Variants in ADARB2 observed in about 807,000 individuals in gnomAD.
ADARB2 encodes the protein inactive double-stranded RNA-specific editase B2.
ADARB2 carries 25 observed loss-of-function variants against 62.2 expected under a neutral mutation model. The observed-to-expected ratio is 0.40, with a 90% CI of 0.29 to 0.56. ADARB2 has a LOEUF of 0.56. ADARB2 is among the 20% of genes least tolerant of loss of function. The pLI, the probability that ADARB2 is intolerant of heterozygous loss-of-function variation, is 0.43. For synonymous variants in ADARB2, 572 were observed against 500.8 expected (o/e 1.14, Z -1.90); for missense variants, 1,071 against 1,077.4 (o/e 0.99, Z 0.08).
At chr10:1,235,476 G>GCC (rs1830858914) in intron 5 of ADARB2, among the ~76,000 whole-genome samples, 2 of 15,298 alleles carry the variant, frequency 1.3e-4, no homozygotes, top group Admixed American at 1.1e-3. Context: ...TTTACCCTCT[G>GCC]TCTCCCGGTG....
chr10:1,673,847 C>T (rs777376205), intron 1 of ADARB2, among the ~76,000 whole-genome samples: 5 of 152,214 alleles, frequency 3.3e-5, no homozygotes, highest in South Asian at 2.1e-4. Context: ...CAGCCACTTC[C>T]GGGATGGGAT....
At chr10:1,267,344 G>A (rs886689725) in intron 4 of ADARB2, among the ~76,000 whole-genome samples, 7 of 152,288 alleles carry the variant, frequency 4.6e-5, no homozygotes, top group African/African-American at 1.7e-4. Flanking sequence ...TTGAGATGTG[G>A]GAATATTCAC....
intron 1 of ADARB2, among the ~76,000 whole-genome samples, chr10:1,467,597 C>T (rs542326397): frequency 2.5e-4 from 38 of 152,282 alleles, no homozygotes; most frequent in Admixed American, 9.1e-4. Context: ...CTGAAGCCAC[C>T]GCTGACACTG....
chr10:1,252,581 T>C (rs1042381781), intron 4 of ADARB2, among the ~76,000 whole-genome samples: 3 of 152,238 alleles, frequency 2.0e-5, no homozygotes, highest in Admixed American at 1.3e-4. Flanking sequence ...GTGAATATCA[T>C]GATCGGCCTG....
At chr10:1,223,189 G>C (rs1179865053) in intron 6 of ADARB2, among the ~76,000 whole-genome samples, 1 of 152,118 alleles carries the variant, frequency 6.6e-6, no homozygotes, top group African/African-American at 2.4e-5. Flanking sequence ...TTGTGAATGG[G>C]AGTTCACTCA....
chr10:1,436,673 G>A (rs572860884), intron 1 of ADARB2, among the ~76,000 whole-genome samples: 7 of 152,068 alleles, frequency 4.6e-5, no homozygotes, highest in South Asian at 4.2e-4. Context: ...AATTTCCCTC[G>A]GGGAGAAGCT....
intron 4 of ADARB2, among the ~76,000 whole-genome samples, chr10:1,262,213 A>G (rs1233073692): frequency 6.8e-6 from 1 of 147,252 alleles, no homozygotes; most frequent in Non-Finnish European, 1.5e-5. Flanking sequence ...TAGTGGGTGC[A>G]GTACACCAGC....
chr10:1,259,996 A>G (rs1181207476), intron 4 of ADARB2, among the ~76,000 whole-genome samples: 2 of 152,268 alleles, frequency 1.3e-5, no homozygotes, highest in African/African-American at 2.4e-5. Context: ...CTGGTTCAAC[A>G]TACGAAAATC....
intron 1 of ADARB2, among the ~76,000 whole-genome samples, chr10:1,427,490 C>T (rs1040872997): frequency 1.3e-5 from 2 of 152,140 alleles, no homozygotes; most frequent in African/African-American, 4.8e-5. Flanking sequence ...ATGTCATTAG[C>T]CATTAAGGAG....
chr10:1,347,816 A>G (rs2820665), intron 3 of ADARB2, among the ~76,000 whole-genome samples: 144,806 of 152,202 alleles, frequency 0.95, 69,199 homozygotes, highest in East Asian at 1. Flanking sequence ...AAGGGAGCTG[A>G]AATAGGCTCA....
At chr10:1,718,946 T>C (rs1379387812) in intron 1 of ADARB2, among the ~76,000 whole-genome samples, 1 of 151,622 alleles carries the variant, frequency 6.6e-6, no homozygotes, top group Non-Finnish European at 1.5e-5. Context: ...AGCTGTATAA[T>C]CTGCCTAAAA....
At chr10:1,273,122 CCTTAA>C (rs1278653789) in intron 3 of ADARB2, among the ~76,000 whole-genome samples, 6 of 152,194 alleles carry the variant, frequency 3.9e-5, no homozygotes, top group Non-Finnish European at 8.8e-5. Flanking sequence ...ATCTCAAAGT[CCTTAA>C]CTTGAGGATA....
In ADARB2 at chr10:1,550,743, G is replaced by A. The variant is rs116901843; in HGVS notation, c.101-171583C>T. On this transcript the variant is annotated intron_variant, in intron 1 of 9. Transcript: ENST00000381312. ...TTGGAGACCAGTAGATACCTCTGTTGTACAGACAAGAAAGCCACAACCCCG... is the reference window on the plus strand; with the variant it reads ...TTGGAGACCAGTAGATACCTCTGTTATACAGACAAGAAAGCCACAACCCCG... Among the ~76,000 whole-genome samples, 567 of 152,158 alleles carry A rather than the reference G, an allele frequency of 3.7e-3. 5 individuals are homozygous for A. The highest frequency in any genetic ancestry group is 4.1e-3 in the Non-Finnish European group (279 of 68,012).
intron 1 of ADARB2, among the ~76,000 whole-genome samples, chr10:1,698,414 G>T (rs1834775819): frequency 6.6e-6 from 1 of 152,208 alleles, no homozygotes; most frequent in African/African-American, 2.4e-5. Flanking sequence ...CCGATGTCAT[G>T]CACAGAGCAT....
intron 4 of ADARB2, among the ~76,000 whole-genome samples, chr10:1,267,902 CAAAGT>C (rs1286253061): frequency 2.6e-5 from 4 of 152,032 alleles, no homozygotes; most frequent in African/African-American, 7.3e-5. Context: ...ACTCAAAAGA[CAAAGT>C]AGAGAAGACT....
At chr10:1,396,560 A>G (rs184409814) in intron 1 of ADARB2, among the ~76,000 whole-genome samples, 113 of 151,832 alleles carry the variant, frequency 7.4e-4, no homozygotes, top group African/African-American at 2.6e-3. Context: ...TGTGACGCCT[A>G]CTAACCGCCC....
intron 1 of ADARB2, among the ~76,000 whole-genome samples, chr10:1,539,026 C>T (rs1832373447): frequency 6.6e-6 from 1 of 152,196 alleles, no homozygotes; most frequent in Non-Finnish European, 1.5e-5. Context: ...TGCCTGGCTC[C>T]ACACAGCATG....
intron 1 of ADARB2, among the ~76,000 whole-genome samples, chr10:1,719,602 G>A (rs1835063360): frequency 6.6e-6 from 1 of 152,172 alleles, no homozygotes; most frequent in African/African-American, 2.4e-5. Flanking sequence ...CATCAACAGA[G>A]CAACAGACAA....
intron 1 of ADARB2, among the ~76,000 whole-genome samples, chr10:1,661,977 T>C (rs937411456): frequency 6.6e-6 from 1 of 152,180 alleles, no homozygotes; most frequent in Admixed American, 6.5e-5. Context: ...GCAGACGCTC[T>C]GACAGATGAA....
Sources: allele counts gnomAD v4.1 joint callset (sites outside exome capture counted in the v4.1 genomes callset), GRCh38; gene constraint gnomAD v4.1.1; transcripts MANE v1.5; gene names NCBI Gene and HGNC (gene_info 2026-07-23, HGNC 2026-07-21).